The following CFAP69 variants were observed in gnomAD, a reference collection of about 807,000 sequenced individuals.
CFAP69 encodes the protein cilia- and flagella-associated protein 69.
A neutral mutation model predicts 123.0 loss-of-function variants in CFAP69; 92 were observed. The ratio of observed to expected loss-of-function variants is 0.75; its 90% confidence interval spans 0.63 to 0.89. CFAP69 has a LOEUF of 0.89. Ranked by LOEUF, CFAP69 falls within the 40% of genes least tolerant of loss-of-function variation. The pLI, the probability that CFAP69 is intolerant of heterozygous loss-of-function variation, is 0.00. For missense variants in CFAP69, 1,067 were observed against 1,096.9 expected, an observed-to-expected ratio of 0.97 and a Z score of 0.39; for synonymous variants, 380 against 364.3, an observed-to-expected ratio of 1.04 and a Z score of -0.49.
chr7:90,245,268 G>A lies in CFAP69; in HGVS notation c.-157G>A. 1.0e-6 allele frequency: 1 copy of A among 989,744 alleles called. No individual in the cohort carries two copies. Among genetic ancestry groups the A allele is most frequent in the Non-Finnish European group, 1.4e-6 (1 of 724,986 alleles). 61.3% of individuals were successfully genotyped at this position (989,744 alleles called of 1,614,324 possible). A position where few individuals can be genotyped will look rare whatever the true frequency, so the allele number is the denominator to read the frequency against. On this transcript the variant is annotated 5_prime_UTR_variant, in exon 1 of 23. Coordinates refer to ENST00000389297, the MANE Select transcript of CFAP69 (RefSeq NM_001039706.3). ...GGCGCTAAGCGGACTGTATGGCGGT[G>A]GCCTAGGCCCCTGGCGGAATTTTGG...
At chr7:90,265,996 G>T (rs767236982) in intron 5 of CFAP69, 3 of 152,044 alleles carry the variant, frequency 2.0e-5, no homozygotes, top group Non-Finnish European at 4.4e-5. Context: ...GGGACATGAT[G>T]GCATGTTCCC....
intron 6 of CFAP69, among the ~76,000 whole-genome samples, chr7:90,271,280 C>T (rs1799910739): frequency 6.6e-6 from 1 of 152,112 alleles, no homozygotes; most frequent in African/African-American, 2.4e-5. Flanking sequence ...TTTATTACTG[C>T]TTTCTTGCTA....
chr7:90,247,059 A>G (rs908912574), intron 1 of CFAP69, among the ~76,000 whole-genome samples: 2 of 152,206 alleles, frequency 1.3e-5, no homozygotes, highest in Admixed American at 1.3e-4. Context: ...TAAGAGTAGT[A>G]ACATTTTCGA....
In CFAP69 at chr7:90,301,008, G is replaced by T. The variant is rs190497618; in HGVS notation, c.2050+949G>T. 3 of 150,158 alleles carry T rather than the reference G, an allele frequency of 2.0e-5. No homozygotes were observed. The South Asian group carries it at 6.4e-4, about 32-fold the overall frequency. 9.3% of individuals were successfully genotyped at this position (150,158 alleles called of 1,614,324 possible). ...TTTGGAGACAGAGTCTCGCTCTTTC[G>T]CCCAGGCTGGAGTGCAGTGACATGA... On this transcript the variant is annotated intron_variant, in intron 17 of 22. Coordinates refer to ENST00000389297, the MANE Select transcript of CFAP69 (RefSeq NM_001039706.3).
intron 4 of CFAP69, among the ~76,000 whole-genome samples, chr7:90,264,108 T>A (rs1424899609): frequency 0.15 from 4,555 of 29,972 alleles, 1,581 homozygotes; most frequent in East Asian, 0.39. Flanking sequence ...AAAAAAAATA[T>A]ATATATATAT....
intron 15 of CFAP69, among the ~76,000 whole-genome samples, chr7:90,294,089 A>G (rs930053121): frequency 1.2e-4 from 18 of 152,180 alleles, no homozygotes; most frequent in African/African-American, 4.3e-4. Context: ...TGTTTTTTAT[A>G]TAACATCTGT....
At chr7:90,260,284 A>C (rs1386782629) in intron 3 of CFAP69, among the ~76,000 whole-genome samples, 1 of 152,088 alleles carries the variant, frequency 6.6e-6, no homozygotes, top group African/African-American at 2.4e-5. Flanking sequence ...TCAGCACCCT[A>C]GGAGTCTGAG....
intron 15 of CFAP69, among the ~76,000 whole-genome samples, chr7:90,291,686 G>A (rs1660593054): frequency 6.6e-6 from 1 of 152,084 alleles, no homozygotes; most frequent in African/African-American, 2.4e-5. Flanking sequence ...GGCTGAAGAG[G>A]GGTGATGATA....
In CFAP69 at chr7:90,279,750, A is replaced by G; in HGVS notation, c.1229A>G (p.Asp410Gly). ...AAGCCTGAGAAGCAAAAAATAATTGACTGGTCTGCAGCACAGCATGAAGAA... is the reference window on the plus strand; with the variant it reads ...AAGCCTGAGAAGCAAAAAATAATTGGCTGGTCTGCAGCACAGCATGAAGAA... Reference protein sequence around the residue: ...VKKPEKQKIIDWSAAQHEELQ... With the variant: ...VKKPEKQKIIGWSAAQHEELQ... The change falls in exon 12 of 23, where the codon GAC becomes GGC. Residue 410 changes from aspartate (D) to glycine (G), a missense_variant. Coordinates refer to ENST00000389297, the MANE Select transcript of CFAP69 (RefSeq NM_001039706.3). 6.2e-7 allele frequency: 1 copy of G among 1,613,038 alleles called. No individual in the cohort carries two copies. The highest frequency in any genetic ancestry group is 8.5e-7 in the Non-Finnish European group (1 of 1,179,772).
At chr7:90,281,049 T>C (rs1471752907) in intron 12 of CFAP69, among the ~76,000 whole-genome samples, 2 of 152,238 alleles carry the variant, frequency 1.3e-5, no homozygotes, top group Non-Finnish European at 2.9e-5. Context: ...GAAAGACTGA[T>C]AGCTAATAGT....
intron 14 of CFAP69, chr7:90,287,839 G>T (rs1790530318): frequency 1.3e-6 from 1 of 773,724 alleles, no homozygotes; most frequent in South Asian, 5.9e-5. Context: ...TTCTCTCGGG[G>T]TCATTAGAAA....
Position 90,277,371 on chromosome 7 carries a change from T to G in CFAP69, c.1155+37T>G, listed in dbSNP as rs375334648. On this transcript the variant is annotated intron_variant, in intron 11 of 22. Transcript: ENST00000389297. Reference sequence around the variant, plus strand: ...TCAAGGCAGGAAAATCAATAAAAATTGTCTTACTTTGTAGTATAACTATTT... The same window carrying G: ...TCAAGGCAGGAAAATCAATAAAAATGGTCTTACTTTGTAGTATAACTATTT... 1.3e-5 allele frequency: 18 copies of G among 1,413,518 alleles called. No individual in the cohort carries two copies. The African/African-American group carries it at 2.5e-4, about 20-fold the overall frequency. 87.6% of individuals were successfully genotyped at this position (1,413,518 alleles called of 1,614,324 possible).
chr7:90,313,041 C>T (rs1261327883), downstream of CFAP69, among the ~76,000 whole-genome samples: 1 of 152,192 alleles, frequency 6.6e-6, no homozygotes, highest in African/African-American at 2.4e-5. Flanking sequence ...AACTTTCATC[C>T]ATCTGGCATC....
chr7:90,283,760 G>C (rs764772127), intron 13 of CFAP69, among the ~76,000 whole-genome samples: 1 of 152,028 alleles, frequency 6.6e-6, no homozygotes, highest in Non-Finnish European at 1.5e-5. Flanking sequence ...TTCAGTGATT[G>C]CTTCACTAGT....
chr7:90,311,370 A>G (rs953092091), downstream of CFAP69, among the ~76,000 whole-genome samples: 1 of 152,188 alleles, frequency 6.6e-6, no homozygotes, highest in Non-Finnish European at 1.5e-5. Flanking sequence ...CATGGGGCAC[A>G]CTCAGCAGTG....
intron 3 of CFAP69, among the ~76,000 whole-genome samples, chr7:90,260,806 A>T (rs1036353751): frequency 2.0e-5 from 3 of 152,022 alleles, no homozygotes; most frequent in African/African-American, 4.8e-5. Context: ...CTTCATGTTA[A>T]ACCGTTGGTG....
intron 1 of CFAP69, among the ~76,000 whole-genome samples, chr7:90,246,891 A>T (rs1796402750): frequency 6.6e-6 from 1 of 152,128 alleles, no homozygotes; most frequent in East Asian, 1.9e-4. Flanking sequence ...CAAATGAAAC[A>T]AGTATACCTG....
rs1584330901 is a variant in CFAP69, at chr7:90,258,234, T to G, written c.246+71T>G. The G allele has an allele frequency of 2.9e-6, 3 of 1,044,602 alleles. No individual in the cohort carries two copies. The East Asian group carries it at 7.5e-5, about 26-fold the overall frequency. 64.7% of individuals were successfully genotyped at this position (1,044,602 alleles called of 1,614,324 possible). ...TGAGAATTTCTTTTAGAAAATGTGT[T>G]AGTTTTCCATTGCTGTTGTAACAAA... On this transcript the variant is annotated intron_variant, in intron 3 of 22. Transcript: ENST00000389297.
chr7:90,287,715 G>C (rs903998073), intron 14 of CFAP69: 2 of 985,484 alleles, frequency 2.0e-6, no homozygotes, highest in South Asian at 9.4e-5. Flanking sequence ...CTTGCTTACT[G>C]GGAACCAGAA....
Sources: allele counts gnomAD v4.1 joint callset (sites outside exome capture counted in the v4.1 genomes callset), GRCh38; gene constraint gnomAD v4.1.1; transcripts MANE v1.5; gene names NCBI Gene and HGNC (gene_info 2026-07-23, HGNC 2026-07-21).